AGBL1: variants seen among roughly 807,000 people sequenced by gnomAD.
AGBL1 encodes cytosolic carboxypeptidase 4.
In AGBL1, 130 loss-of-function variants were observed where a neutral mutation model predicts 118.9. The ratio of observed to expected loss-of-function variants is 1.09; its 90% confidence interval spans 0.95 to 1.26. The LOEUF (loss-of-function observed/expected upper bound fraction) is 1.26. AGBL1 is among the 50% of genes most tolerant of loss of function. The probability of loss-of-function intolerance (pLI) is 0.00; values close to 1 mark genes in which losing one functional copy is unlikely to be tolerated. For missense variants in AGBL1, 1,584 were observed against 1,298.1 expected (o/e 1.22, Z -3.38); for synonymous variants, 555 against 478.9 (o/e 1.16, Z -2.08).
intron 15 of AGBL1, among the ~76,000 whole-genome samples, chr15:86,274,441 A>G (rs1180980221): frequency 2.0e-5 from 3 of 152,196 alleles, no homozygotes; most frequent in African/African-American, 7.2e-5. Context: ...GGCTTCTAAG[A>G]AGATTTTTCT....
intron 17 of AGBL1, among the ~76,000 whole-genome samples, chr15:86,334,731 T>C (rs1567204428): frequency 1.3e-5 from 2 of 151,884 alleles, no homozygotes. Flanking sequence ...AGAACAAACC[T>C]GGAGGTATCA....
chr15:86,677,115 A>G (rs1231910732), intron 22 of AGBL1, among the ~76,000 whole-genome samples: 4 of 152,204 alleles, frequency 2.6e-5, no homozygotes, highest in African/African-American at 9.6e-5. Context: ...CCAGGAAGAC[A>G]AAGTGTGGCT....
intron 17 of AGBL1, among the ~76,000 whole-genome samples, chr15:86,320,956 T>C (rs1332697326): frequency 6.6e-6 from 1 of 152,182 alleles, no homozygotes; most frequent in African/African-American, 2.4e-5. Flanking sequence ...AATCCATTTG[T>C]CATCATATAT....
At chr15:86,366,233 A>G (rs1422226543) in intron 17 of AGBL1, among the ~76,000 whole-genome samples, 1 of 152,204 alleles carries the variant, frequency 6.6e-6, no homozygotes, top group Non-Finnish European at 1.5e-5. Context: ...GGAGTCTGAG[A>G]CAATGGCTGA....
chr15:86,717,104 T>A (rs2086649947), intron 22 of AGBL1, among the ~76,000 whole-genome samples: 1 of 152,112 alleles, frequency 6.6e-6, no homozygotes, highest in Non-Finnish European at 1.5e-5. Flanking sequence ...AAGATGGAAA[T>A]ATGTCCTAGG....
At chr15:86,437,949 A>C (rs933535074) in intron 18 of AGBL1, among the ~76,000 whole-genome samples, 2 of 151,984 alleles carry the variant, frequency 1.3e-5, no homozygotes, top group African/African-American at 4.8e-5. Flanking sequence ...TCTATTGCCC[A>C]GGCTGGAGTG....
chr15:86,339,175 G>A (rs768641002), intron 17 of AGBL1, among the ~76,000 whole-genome samples: 5 of 152,064 alleles, frequency 3.3e-5, no homozygotes, highest in Non-Finnish European at 7.4e-5. Context: ...AGAATATTGT[G>A]CCACTTCATT....
At chr15:86,546,242 TAAGC>T in intron 20 of AGBL1, 109 bp downstream of exon 20, 1 of 1,175,768 alleles carries the variant, frequency 8.5e-7, no homozygotes, top group Non-Finnish European at 1.1e-6. Flanking sequence ...TTTTTGTAAA[TAAGC>T]ATTTTAATTA....
intron 5 of AGBL1, among the ~76,000 whole-genome samples, chr15:86,159,977 T>G (rs537227548): frequency 1.3e-5 from 2 of 152,270 alleles, no homozygotes; most frequent in East Asian, 3.9e-4. Context: ...TGAGAAATAC[T>G]GGATTGAATG....
intron 17 of AGBL1, among the ~76,000 whole-genome samples, chr15:86,384,344 G>A (rs2081153699): frequency 6.6e-6 from 1 of 152,168 alleles, no homozygotes; most frequent in Admixed American, 6.5e-5. Context: ...CGGCAGGTCT[G>A]CACCACAGTT....
rs562500922 is a variant in AGBL1 at position 86,803,080 on chromosome 15, A to G, written c.3159-104007A>G. Among the ~76,000 whole-genome samples the G allele has an allele frequency of 3.3e-5, 5 of 152,244 alleles. No homozygotes were observed. The South Asian group carries it at 1.0e-3, about 32-fold the overall frequency. ...AAACAGCATCCAAATGAGGGGCCAT[A>G]GTATGGTGAAGAATTTAGATTTGTT... On this transcript the variant is annotated intron_variant, in intron 22 of 22. Coordinates refer to ENST00000614907, the MANE Select transcript of AGBL1 (RefSeq NM_001386094.1).
intron 18 of AGBL1, among the ~76,000 whole-genome samples, chr15:86,522,577 T>C (rs960502585): frequency 2.6e-5 from 4 of 152,222 alleles, no homozygotes; most frequent in Admixed American, 6.5e-5. Flanking sequence ...GATAATCTGA[T>C]AGCAAGTCAA....
chr15:86,654,549 G>T (rs975464555), intron 21 of AGBL1, among the ~76,000 whole-genome samples: 6 of 152,110 alleles, frequency 3.9e-5, no homozygotes, highest in Non-Finnish European at 7.3e-5. Flanking sequence ...TTAGTACCAG[G>T]ACCCTAATCA....
At chr15:86,541,099 G>A (rs1364192617) in intron 19 of AGBL1, among the ~76,000 whole-genome samples, 2 of 152,126 alleles carry the variant, frequency 1.3e-5, no homozygotes, top group Admixed American at 1.3e-4. Flanking sequence ...CATAAGAATG[G>A]TGAGTGTTTA....
chr15:86,310,322 A>C (rs28582734), intron 17 of AGBL1, among the ~76,000 whole-genome samples: 2,905 of 151,562 alleles, frequency 0.019, 100 homozygotes, highest in African/African-American at 0.067. Context: ...TCTCTTACTT[A>C]GTTTGGCTAA....
At chr15:86,352,236 G>A (rs1024728047) in intron 17 of AGBL1, among the ~76,000 whole-genome samples, 7 of 152,172 alleles carry the variant, frequency 4.6e-5, no homozygotes, top group Non-Finnish European at 1.0e-4. Context: ...ATAGAGAAGG[G>A]CTTAATACTC....
At chr15:86,333,804 A>C (rs1439438897) in intron 17 of AGBL1, among the ~76,000 whole-genome samples, 1 of 152,212 alleles carries the variant, frequency 6.6e-6, no homozygotes, top group African/African-American at 2.4e-5. Flanking sequence ...TAGCAAGCTG[A>C]ACCCAGAAGC....
At chr15:86,360,906 G>A (rs2080796243) in intron 17 of AGBL1, among the ~76,000 whole-genome samples, 3 of 151,768 alleles carry the variant, frequency 2.0e-5, no homozygotes, top group South Asian at 2.1e-4. Context: ...TATGGATTTT[G>A]CATATTTTTT....
intron 18 of AGBL1, among the ~76,000 whole-genome samples, chr15:86,491,866 TG>T (rs961946811): frequency 7.4e-6 from 1 of 135,358 alleles, no homozygotes; most frequent in Admixed American, 7.9e-5. Flanking sequence ...GTGTGGGGGG[TG>T]GGGGGCGTGG....
Sources: gnomAD v4.1 joint callset for allele counts (sites outside exome capture counted in the v4.1 genomes callset) on GRCh38, gnomAD v4.1.1 for gene constraint, MANE v1.5 for transcripts, NCBI Gene and HGNC (gene_info 2026-07-23, HGNC 2026-07-21) for gene names.